SEMA6D: variants seen among roughly 807,000 people sequenced by gnomAD.
SEMA6D encodes the protein semaphorin-6D.
SEMA6D carries 35 observed loss-of-function variants against 106.6 expected under a neutral mutation model. That is an observed-to-expected ratio of 0.33 (90% CI 0.25 to 0.44). SEMA6D has a LOEUF of 0.44. Ranked by LOEUF, SEMA6D falls within the 20% of genes least tolerant of loss-of-function variation. SEMA6D has a pLI of 1.00. For synonymous variants in SEMA6D, 499 were observed against 487.7 expected (o/e 1.02, Z -0.31); for missense variants, 1,185 against 1,345.9 (o/e 0.88, Z 1.87).
chr15:47,738,075 G>A (rs563705301), intron 1 of SEMA6D, among the ~76,000 whole-genome samples: 1 of 151,778 alleles, frequency 6.6e-6, no homozygotes, highest in African/African-American at 2.4e-5. Context: ...AGAACATGCA[G>A]GTTTGTTCTA....
At chr15:47,240,645 T>G (rs1257779860) in intron 1 of SEMA6D, among the ~76,000 whole-genome samples, 1 of 152,184 alleles carries the variant, frequency 6.6e-6, no homozygotes, top group Non-Finnish European at 1.5e-5. Flanking sequence ...AACAAAACAG[T>G]ACTCTAATGC....
intron 2 of SEMA6D, among the ~76,000 whole-genome samples, chr15:47,440,340 C>T (rs892802283): frequency 6.6e-6 from 1 of 152,094 alleles, no homozygotes; most frequent in East Asian, 1.9e-4. Flanking sequence ...TGCAGCAAAT[C>T]GGGGATAGGG....
chr15:47,553,814 A>G (rs1211916920), intron 3 of SEMA6D, among the ~76,000 whole-genome samples: 1 of 152,202 alleles, frequency 6.6e-6, no homozygotes, highest in East Asian at 1.9e-4. Context: ...GCTCTGCTAT[A>G]AAAAGTGGGT....
At chr15:47,643,371 A>T (rs2144775389) in intron 4 of SEMA6D, among the ~76,000 whole-genome samples, 1 of 152,300 alleles carries the variant, frequency 6.6e-6, no homozygotes, top group East Asian at 1.9e-4. Flanking sequence ...TCTGCAGCAT[A>T]GCTTCTCATG....
At chr15:47,507,520 A>G (rs1481118030) in intron 3 of SEMA6D, among the ~76,000 whole-genome samples, 1 of 152,190 alleles carries the variant, frequency 6.6e-6, no homozygotes, top group African/African-American at 2.4e-5. Flanking sequence ...TGTTGTTCTC[A>G]GGCATGCCTA....
rs2036662108 is a variant in SEMA6D at position 47,316,102 on chromosome 15, C to CTTGTTTTTTTTTTTTTTTTTTTT, written c.-238-96289_-238-96288insGTTTTTTTTTTTTTTTTTTTTTT. ...TCCCAATCAGTATGCCATTTATTTC[C>CTTGTTTTTTTTTTTTTTTTTTTT]TTTTTTTTGAGACAGAATCTTGTTC... On this transcript the variant is annotated intron_variant, in intron 1 of 19. Transcript: ENST00000558014. 2.5e-5 allele frequency among the ~76,000 whole-genome samples: 2 copies of CTTGTTTTTTTTTTTTTTTTTTTT among 81,484 alleles called. 1 individual carries two copies. The highest frequency in any genetic ancestry group is 4.1e-5 in the Non-Finnish European group (2 of 48,492). 53.5% of individuals were successfully genotyped at this position (81,484 alleles called of 152,430 possible).
intron 3 of SEMA6D, among the ~76,000 whole-genome samples, chr15:47,515,239 G>A (rs2044352998): frequency 6.6e-6 from 1 of 152,166 alleles, no homozygotes; most frequent in Non-Finnish European, 1.5e-5. Context: ...TAATAAGCCA[G>A]AGTACCCAAT....
chr15:47,595,043 G>A (rs2076508981), intron 3 of SEMA6D, among the ~76,000 whole-genome samples: 1 of 152,174 alleles, frequency 6.6e-6, no homozygotes, highest in African/African-American at 2.4e-5. Context: ...GGGGCTAATT[G>A]AGAAGAAAGA....
At chr15:47,564,328 G>A (rs1357928169) in intron 3 of SEMA6D, among the ~76,000 whole-genome samples, 7 of 152,176 alleles carry the variant, frequency 4.6e-5, no homozygotes, top group African/African-American at 1.7e-4. Flanking sequence ...TTTCTGGCAT[G>A]ATACTGTGGG....
At chr15:47,526,538 T>C (rs1476846216) in intron 3 of SEMA6D, among the ~76,000 whole-genome samples, 1 of 152,190 alleles carries the variant, frequency 6.6e-6, no homozygotes, top group Non-Finnish European at 1.5e-5. Flanking sequence ...GTATTGGCCA[T>C]GGCCAATATT....
intron 2 of SEMA6D, among the ~76,000 whole-genome samples, chr15:47,466,645 CATT>C (rs1173899466): frequency 1.3e-5 from 2 of 151,742 alleles, no homozygotes; most frequent in Non-Finnish European, 2.9e-5. Context: ...TTTAATGTAT[CATT>C]AATAATTTCA....
chr15:47,441,475 T>G (rs2041880274), intron 2 of SEMA6D, among the ~76,000 whole-genome samples: 1 of 152,118 alleles, frequency 6.6e-6, no homozygotes. Context: ...TGTTTATGAC[T>G]GTAAAAGAAT....
chr15:47,462,648 A>G (rs999718698), intron 2 of SEMA6D, among the ~76,000 whole-genome samples: 1 of 152,088 alleles, frequency 6.6e-6, no homozygotes, highest in African/African-American at 2.4e-5. Context: ...AGAAACAAAA[A>G]CACATTAGTT....
intron 3 of SEMA6D, among the ~76,000 whole-genome samples, chr15:47,557,411 CAT>C (rs1432914668): frequency 4.6e-5 from 7 of 152,186 alleles, no homozygotes; most frequent in Admixed American, 4.6e-4. Context: ...CTTTCACAAA[CAT>C]AATGCTCAGT....
intron 1 of SEMA6D, among the ~76,000 whole-genome samples, chr15:47,724,951 C>G (rs1227575308): frequency 6.6e-6 from 1 of 152,204 alleles, no homozygotes; most frequent in African/African-American, 2.4e-5. Flanking sequence ...CTCAAATTAC[C>G]CAGCACCAAG....
At chr15:47,653,446 A>T (rs2077730818) in intron 4 of SEMA6D, among the ~76,000 whole-genome samples, 1 of 152,190 alleles carries the variant, frequency 6.6e-6, no homozygotes, top group Non-Finnish European at 1.5e-5. Flanking sequence ...GAAAATGCCA[A>T]CTCTTTCATA....
chr15:47,471,974 C>T (rs74011467), intron 3 of SEMA6D, among the ~76,000 whole-genome samples: 3,672 of 140,684 alleles, frequency 0.026, 140 homozygotes, highest in African/African-American at 0.083. Context: ...CACACACACA[C>T]GAAAAAGAGA....
At chr15:47,754,124 G>A (rs1163699426) in intron 1 of SEMA6D, among the ~76,000 whole-genome samples, 1 of 152,148 alleles carries the variant, frequency 6.6e-6, no homozygotes, top group Non-Finnish European at 1.5e-5. Flanking sequence ...AGATATGATG[G>A]CTCATGGCTG....
intron 3 of SEMA6D, among the ~76,000 whole-genome samples, chr15:47,572,447 A>T (rs1053686923): frequency 6.6e-6 from 1 of 152,158 alleles, no homozygotes; most frequent in Non-Finnish European, 1.5e-5. Context: ...AAAGTGTTTT[A>T]TTTTAGATGG....
Sources: gnomAD v4.1 joint callset for allele counts (sites outside exome capture counted in the v4.1 genomes callset) on GRCh38, gnomAD v4.1.1 for gene constraint, MANE v1.5 for transcripts, NCBI Gene and HGNC (gene_info 2026-07-23, HGNC 2026-07-21) for gene names.